The following RAB11FIP1 variants were observed in gnomAD, a reference collection of about 807,000 sequenced individuals.
RAB11FIP1 encodes the protein RAB11 family interacting protein 1, also known as rab11 family-interacting protein 1.
A neutral mutation model predicts 83.1 loss-of-function variants in RAB11FIP1; 49 were observed. The ratio of observed to expected loss-of-function variants is 0.59; its 90% CI spans 0.47 to 0.75. The LOEUF (loss-of-function observed/expected upper bound fraction) is 0.75. RAB11FIP1 is among the 30% of genes least tolerant of loss of function. The pLI is 0.00. For synonymous variants in RAB11FIP1, 670 were observed against 656.0 expected (o/e 1.02, Z -0.33); for missense variants, 1,536 against 1,598.7 (o/e 0.96, Z 0.67).
chr8:37,899,185 G>T lies in RAB11FIP1; in HGVS notation c.257C>A (p.Ala86Asp), dbSNP rs1372309554. Residue 86 changes from alanine to aspartate, a missense_variant, in exon 1 of 6, where the codon GCC becomes GAC. Coordinates refer to ENST00000330843, the MANE Select transcript of RAB11FIP1 (RefSeq NM_001002814.3). The surrounding 1 kb of genome is among the most constrained non-coding windows in gnomAD (Gnocchi z 4.5). Reference protein sequence around the residue: ...SLLSSGPAAAATLQLTVLHRA... With the variant: ...SLLSSGPAAADTLQLTVLHRA... The stretch of plus-strand genomic sequence containing the variant: ...GTGCAGCACGGTGAGCTGCAGGGTG[G>T]CGGCGGCCGCGGGTCCGGAGGACAG... The T allele has an allele frequency of 6.4e-7, 1 of 1,561,760 alleles. No homozygotes were observed. The highest frequency in any genetic ancestry group is 1.9e-5 in the Admixed American group (1 of 54,032).
At position 37,873,125 on chromosome 8, in the gene RAB11FIP1, G is replaced by A. The variant is rs1481747333; in HGVS notation, c.1677C>T (p.Asp559=). 6.2e-7 allele frequency: 1 copy of A among 1,610,424 alleles called. No homozygotes were observed. The highest frequency in any genetic ancestry group is 8.5e-7 in the Non-Finnish European group (1 of 1,179,138). Reference sequence around the variant, plus strand: ...GAAGAGGAGGAAGAGAGGAAGGGGAGTCAGTAGGGGAAGGAAGCCTGGCTG... The same window carrying A: ...GAAGAGGAGGAAGAGAGGAAGGGGAATCAGTAGGGGAAGGAAGCCTGGCTG... ...QPTARLPSPT[D]SPSSLPPLPS... The change falls in exon 4 of 6, where the codon GAC becomes GAT. Residue 559 remains aspartate, a synonymous_variant. Coordinates refer to ENST00000330843, the MANE Select transcript of RAB11FIP1 (RefSeq NM_001002814.3).
chr8:37,898,969 C>G (rs375649729), intron 1 of RAB11FIP1, 102 bp downstream of exon 1: 15 of 1,246,102 alleles, frequency 1.2e-5, no homozygotes, highest in Non-Finnish European at 1.6e-5. Flanking sequence ...AGGCCTTCCC[C>G]GCTGCTGCCC....
At chr8:37,873,560 C>T (rs546967342) in intron 3 of RAB11FIP1, among the ~76,000 whole-genome samples, 3 of 151,882 alleles carry the variant, frequency 2.0e-5, no homozygotes, top group African/African-American at 7.2e-5. Context: ...GAGTTGAGAT[C>T]GTGCCACTGC....
Position 37,871,652 on chromosome 8 carries a change from T to G in RAB11FIP1, c.3150A>C (p.Gly1050=). The change falls in exon 4 of 6, where the codon GGA becomes GGC. Residue 1050 remains glycine (G), a synonymous_variant. Transcript: ENST00000330843. ...TCTTGCCAAGATGTGGTTTGTGAAT[T>G]CCGAACTCTGTGGTCTGCTCTGAAG... ...TAPSEQTTEF[G]IHKPHLGKSS... is the part of the protein sequence containing the mutation. 6.2e-7 allele frequency: 1 copy of G among 1,612,246 alleles called. No homozygotes were observed. Among genetic ancestry groups the G allele is most frequent in the Non-Finnish European group, 8.5e-7 (1 of 1,178,636 alleles).
At chr8:37,892,398 G>A (rs1012152836) in intron 1 of RAB11FIP1, among the ~76,000 whole-genome samples, 2 of 151,646 alleles carry the variant, frequency 1.3e-5, no homozygotes, top group African/African-American at 2.4e-5. Context: ...AAATAAATTG[G>A]ACCGTATCAA....
intron 1 of RAB11FIP1, among the ~76,000 whole-genome samples, chr8:37,896,384 C>T (rs1265697744): frequency 6.6e-6 from 1 of 151,930 alleles, no homozygotes; most frequent in African/African-American, 2.4e-5. Flanking sequence ...ACCAGGGCAT[C>T]AGACAGCACC....
intron 1 of RAB11FIP1, among the ~76,000 whole-genome samples, chr8:37,893,098 A>G (rs1235865019): frequency 1.4e-5 from 2 of 144,754 alleles, no homozygotes; most frequent in Admixed American, 6.9e-5. Flanking sequence ...TTTTTGAGAC[A>G]GAATCTCACT....
At chr8:37,891,358 C>T (rs961327311) in intron 1 of RAB11FIP1, among the ~76,000 whole-genome samples, 1 of 152,094 alleles carries the variant, frequency 6.6e-6, no homozygotes, top group Non-Finnish European at 1.5e-5. Flanking sequence ...GCTAGCTGTC[C>T]CTCCTTCAAA....
At chr8:37,891,970 TCAACAGAAATCTC>T (rs957090497) in intron 1 of RAB11FIP1, among the ~76,000 whole-genome samples, 17 of 152,144 alleles carry the variant, frequency 1.1e-4, no homozygotes, top group Non-Finnish European at 1.6e-4. Flanking sequence ...GTAATTCACT[TCAACAGAAATCTC>T]CAACAGAAAT....
At chr8:37,873,328 G>A (rs1236951005) in intron 3 of RAB11FIP1, 149 bp from the exon 4 acceptor site, 2 of 851,766 alleles carry the variant, frequency 2.3e-6, no homozygotes, top group Non-Finnish European at 3.5e-6. Flanking sequence ...ACGCTAGCCG[G>A]GCGCGGTGGC....
At chr8:37,895,274 T>TA (rs1807061161) in intron 1 of RAB11FIP1, among the ~76,000 whole-genome samples, 1 of 52,610 alleles carries the variant, frequency 1.9e-5, no homozygotes, top group Non-Finnish European at 3.6e-5. Flanking sequence ...TTTTTTTTTT[T>TA]TTTTTTTTTT....
intron 5 of RAB11FIP1, among the ~76,000 whole-genome samples, chr8:37,867,989 T>C (rs1244635033): frequency 6.6e-6 from 1 of 152,146 alleles, no homozygotes; most frequent in African/African-American, 2.4e-5. Flanking sequence ...GGCACATCTG[T>C]AGTCCCCGCT....
At position 37,877,119 on chromosome 8, in the gene RAB11FIP1, C is replaced by T. The variant is rs1563370270; in HGVS notation, c.804G>A (p.Ser268=). Reference sequence around the variant, plus strand: ...GAGGCAGAAACTCACCATCCGAGGCCGAGGAGGACTCATCCTCATTGTCAT... The same window carrying T: ...GAGGCAGAAACTCACCATCCGAGGCTGAGGAGGACTCATCCTCATTGTCAT... ...DEDDNEDESS[S]ASDVMSHKRT... Residue 268 remains serine (S), a synonymous_variant, in exon 2 of 6, where the codon TCG becomes TCA. Transcript: ENST00000330843. 5.0e-6 allele frequency: 8 copies of T among 1,609,428 alleles called. No individual in the cohort carries two copies. The highest frequency in any genetic ancestry group is 3.3e-5 in the Admixed American group (2 of 59,858).
chr8:37,895,259 A>ATT (rs71216637), intron 1 of RAB11FIP1, among the ~76,000 whole-genome samples: 5 of 7,390 alleles, frequency 6.8e-4, no homozygotes, highest in Non-Finnish European at 8.5e-4. Flanking sequence ...ATATATATAT[A>ATT]TTTTTTTTTT....
chr8:37,868,708 C>T (rs1806390921), intron 5 of RAB11FIP1, among the ~76,000 whole-genome samples: 1 of 152,160 alleles, frequency 6.6e-6, no homozygotes, highest in Non-Finnish European at 1.5e-5. Context: ...CTAAATCCTT[C>T]AGATTCTAGA....
At chr8:37,896,362 G>T (rs200803366) in intron 1 of RAB11FIP1, among the ~76,000 whole-genome samples, 1 of 151,850 alleles carries the variant, frequency 6.6e-6, no homozygotes, top group Non-Finnish European at 1.5e-5. Context: ...TTAAATCTCA[G>T]CTATCTTGGG....
intron 5 of RAB11FIP1, among the ~76,000 whole-genome samples, chr8:37,868,422 CAA>C (rs796819866): frequency 1.6e-4 from 9 of 57,716 alleles, no homozygotes; most frequent in Admixed American, 2.0e-4. Context: ...AACTCCATCT[CAA>C]AAAAAAAAAA....
At chr8:37,883,803 AG>A (rs1806770501) in intron 1 of RAB11FIP1, among the ~76,000 whole-genome samples, 1 of 152,174 alleles carries the variant, frequency 6.6e-6, no homozygotes, top group South Asian at 2.1e-4. Context: ...AGGCCCTGAA[AG>A]CTTGAATTAT....
chr8:37,887,807 C>T (rs537042821), intron 1 of RAB11FIP1, among the ~76,000 whole-genome samples: 2 of 152,336 alleles, frequency 1.3e-5, no homozygotes, highest in East Asian at 3.9e-4. Context: ...ATAACTCCTA[C>T]TTAGCTGTAC....
Sources: gnomAD v4.1 joint callset for allele counts (sites outside exome capture counted in the v4.1 genomes callset) on GRCh38, gnomAD v4.1.1 for gene constraint, Gnocchi (gnomAD v3.1) non-coding constraint, MANE v1.5 for transcripts, NCBI Gene and HGNC (gene_info 2026-07-23, HGNC 2026-07-21) for gene names.